The following VRK3 variants were observed in gnomAD, a reference collection of about 807,000 sequenced individuals.
The protein encoded by VRK3 is serine/threonine-protein kinase VRK3.
In VRK3, 50 loss-of-function variants were observed where a neutral mutation model predicts 60.4. The ratio of observed to expected loss-of-function variants is 0.83; its 90% CI spans 0.66 to 1.05. The LOEUF is 1.05. VRK3 is among the 50% of genes least tolerant of loss of function. VRK3 has a pLI of 0.00. For missense variants in VRK3, 549 were observed against 585.3 expected (o/e 0.94, Z 0.64); for synonymous variants, 246 against 227.8 (o/e 1.08, Z -0.72).
intron 3 of VRK3, among the ~76,000 whole-genome samples, chr19:50,013,408 T>C (rs2077026803): frequency 6.6e-6 from 1 of 152,142 alleles, no homozygotes; most frequent in Non-Finnish European, 1.5e-5. Flanking sequence ...AAGAAAAATA[T>C]TGCTCTACAT....
intron 5 of VRK3, among the ~76,000 whole-genome samples, chr19:50,003,406 A>G (rs888904948): frequency 1.3e-5 from 2 of 152,270 alleles, no homozygotes; most frequent in Non-Finnish European, 2.9e-5. Context: ...CTGCAAAGGC[A>G]GAAGCTGCAG....
intron 5 of VRK3, among the ~76,000 whole-genome samples, chr19:50,002,598 T>C (rs1021211616): frequency 2.0e-5 from 3 of 152,206 alleles, no homozygotes; most frequent in Non-Finnish European, 4.4e-5. Context: ...TTTTATAATC[T>C]GCTTTGCAGA....
chr19:50,000,699 T>C, intron 6 of VRK3, 91 bp downstream of exon 6: 1 of 1,465,210 alleles, frequency 6.8e-7, no homozygotes, highest in Non-Finnish European at 9.4e-7. Context: ...CCGGCCGAGC[T>C]CTCCCAGCTG....
chr19:50,014,918 CA>C (rs543770489), intron 3 of VRK3, among the ~76,000 whole-genome samples: 22 of 151,984 alleles, frequency 1.4e-4, no homozygotes, highest in Non-Finnish European at 2.8e-4. Flanking sequence ...AAGGCTTCTG[CA>C]TAAGAGAGGT....
At chr19:49,983,665 T>G (rs2076462144) in intron 12 of VRK3, among the ~76,000 whole-genome samples, 1 of 152,256 alleles carries the variant, frequency 6.6e-6, no homozygotes, top group East Asian at 1.9e-4. Flanking sequence ...CGGCCTCTCC[T>G]CCTTCTTTTA....
At chr19:49,980,893 T>C in intron 13 of VRK3, 62 bp downstream of exon 13, 1 of 1,500,836 alleles carries the variant, frequency 6.7e-7, no homozygotes, top group South Asian at 1.2e-5. Context: ...CACCCCAAGA[T>C]GGATCTGAGC....
In VRK3 at chr19:50,016,061, G is replaced by A. The variant is rs569564490; in HGVS notation, c.102C>T (p.Ser34=). ...ACACATGTGGATTGACAAAGGTCTG[G>A]GACCCTACATGCTCCTCTACAGGCA... The part of the protein sequence containing the change: ...NSLPVEEHVG[S]QTFVNPHVSS... Residue 34 remains serine, a synonymous_variant, in exon 3 of 15, where the codon TCC becomes TCT. Transcript: ENST00000316763. 9 of 1,614,164 alleles carry A rather than the reference G, an allele frequency of 5.6e-6. No individual in the cohort carries two copies. In the African/African-American group the frequency reaches 1.1e-4, roughly 19 times the overall value.
intron 5 of VRK3, among the ~76,000 whole-genome samples, chr19:50,003,615 C>T (rs73935135): frequency 0.053 from 8,000 of 152,292 alleles, 695 homozygotes; most frequent in African/African-American, 0.18. Context: ...TAGAGCATGG[C>T]GCAGAGAGTG....
chr19:49,997,525 G>C lies in VRK3; in HGVS notation c.658C>G (p.Arg220Gly). 6.2e-7 allele frequency: 1 copy of C among 1,613,796 alleles called. No homozygotes were observed. Among genetic ancestry groups the C allele is most frequent in the Non-Finnish European group, 8.5e-7 (1 of 1,179,832 alleles). ...GTACCTTGCAGAGGCTTGGCGGCCC[G>C]CTGGAAGAAGTTCTGCTCATTGAAC... Reference protein sequence around the residue: ...RLFNEQNFFQRAAKPLQVNKW... With the variant: ...RLFNEQNFFQGAAKPLQVNKW... The change falls in exon 7 of 15, where the codon CGG (arginine) becomes GGG (glycine). Residue 220 changes from arginine to glycine, a missense_variant. Physicochemically the swap from Arg to Gly is moderately radical, Grantham distance 125. Transcript: ENST00000316763.
intron 7 of VRK3, 90 bp from the exon 8 acceptor site, chr19:49,995,365 C>T (rs1259131552): frequency 8.6e-7 from 1 of 1,167,626 alleles, no homozygotes; most frequent in East Asian, 2.4e-5. Flanking sequence ...GCACAGAGTG[C>T]CCAGACCGCC....
At chr19:50,014,999 C>T (rs1215629886) in intron 3 of VRK3, among the ~76,000 whole-genome samples, 2 of 151,908 alleles carry the variant, frequency 1.3e-5, no homozygotes, top group African/African-American at 4.8e-5. Context: ...AAGAGGGAGC[C>T]AACAAGATTT....
rs1012774481 is a variant in VRK3, at chr19:50,025,371, C to T, written c.-169G>A. 2 of 152,210 alleles carry T rather than the reference C, an allele frequency of 1.3e-5. No individual in the cohort carries two copies. Among genetic ancestry groups the T allele is most frequent in the African/African-American group, 4.8e-5 (2 of 41,480 alleles). The allele number at this position is 152,210 out of a possible 1,614,324, so 9.4% of individuals were successfully genotyped here. ...CTTCTCAGTTGCCCAGCGAAAACTT[C>T]CGCTGGGCGGAGAGCGCTGCGCGCG... On this transcript the variant is annotated 5_prime_UTR_variant, in exon 1 of 15. Transcript: ENST00000316763.
intron 2 of VRK3, among the ~76,000 whole-genome samples, chr19:50,018,242 G>A (rs903375838): frequency 4.6e-5 from 7 of 152,232 alleles, no homozygotes; most frequent in Non-Finnish European, 8.8e-5. Context: ...CTGGCCCATA[G>A]AAAGCCTTTT....
chr19:49,993,638 G>A (rs911644062), intron 9 of VRK3, among the ~76,000 whole-genome samples: 1 of 152,136 alleles, frequency 6.6e-6, no homozygotes, highest in African/African-American at 2.4e-5. Flanking sequence ...GAGCTCAAGT[G>A]ATCCACCTGC....
intron 12 of VRK3, among the ~76,000 whole-genome samples, chr19:49,985,006 G>A (rs1166017578): frequency 6.6e-6 from 1 of 152,182 alleles, no homozygotes; most frequent in Non-Finnish European, 1.5e-5. Flanking sequence ...AGGGAATTGA[G>A]GCCCCCCTAC....
At chr19:49,997,599 T>G in intron 6 of VRK3, 29 bp from the exon 7 acceptor site, 1 of 1,612,934 alleles carries the variant, frequency 6.2e-7, no homozygotes, top group African/African-American at 1.3e-5. Context: ...GGCAGAAGGC[T>G]GTCACACTGA....
intron 4 of VRK3, 129 bp downstream of exon 4, chr19:50,009,107 C>G: frequency 8.9e-7 from 1 of 1,128,792 alleles, no homozygotes; most frequent in Non-Finnish European, 1.3e-6. Flanking sequence ...GGGGAAGCTG[C>G]TGGAGTCAGA....
At chr19:50,018,854 G>A (rs537908138) in intron 2 of VRK3, among the ~76,000 whole-genome samples, 173 of 152,054 alleles carry the variant, frequency 1.1e-3, no homozygotes, top group African/African-American at 3.9e-3. Flanking sequence ...CACCTACTAT[G>A]TACCCAGGTA....
At chr19:49,998,475 G>A (rs2076743444) in intron 6 of VRK3, 1 of 101,616 alleles carries the variant, frequency 9.8e-6, no homozygotes, top group Admixed American at 9.3e-5. Context: ...GTGAGATTTT[G>A]TAGCAAAAAA....
Sources: allele counts gnomAD v4.1 joint callset (sites outside exome capture counted in the v4.1 genomes callset), GRCh38; gene constraint gnomAD v4.1.1; transcripts MANE v1.5; gene names NCBI Gene and HGNC (gene_info 2026-07-23, HGNC 2026-07-21).